FOXJ3: variants seen among roughly 807,000 people sequenced by gnomAD.
The protein encoded by FOXJ3 is forkhead box protein J3.
FOXJ3 carries 22 observed loss-of-function variants against 76.1 expected under a neutral mutation model. The observed-to-expected ratio is 0.29, with a 90% CI of 0.21 to 0.41. The LOEUF is 0.41. FOXJ3 is among the 10% of genes least tolerant of loss of function. FOXJ3 has a pLI of 1.00. For missense variants in FOXJ3, 613 were observed against 762.1 expected (o/e 0.80, Z 2.30); for synonymous variants, 269 against 261.2 (o/e 1.03, Z -0.29).
chr1:42,291,134 G>C (rs1570170828), intron 2 of FOXJ3, among the ~76,000 whole-genome samples: 1 of 150,060 alleles, frequency 6.7e-6, no homozygotes, highest in Admixed American at 6.6e-5. Flanking sequence ...TTTGATGAAG[G>C]CATCAGACAA....
chr1:42,219,298 T>C (rs528318056), intron 5 of FOXJ3, among the ~76,000 whole-genome samples: 73 of 152,360 alleles, frequency 4.8e-4, no homozygotes, highest in African/African-American at 1.6e-3. Flanking sequence ...AGCAGCCCTC[T>C]TGGTTATCAG....
chr1:42,255,080 T>A (rs962254396), intron 4 of FOXJ3, among the ~76,000 whole-genome samples: 1 of 152,114 alleles, frequency 6.6e-6, no homozygotes, highest in East Asian at 1.9e-4. Flanking sequence ...CAATGTAATT[T>A]CCTTAAAAGG....
At chr1:42,283,650 T>C (rs1652871965) in intron 2 of FOXJ3, among the ~76,000 whole-genome samples, 1 of 152,174 alleles carries the variant, frequency 6.6e-6, no homozygotes, top group Non-Finnish European at 1.5e-5. Context: ...TCTTAAGACC[T>C]GCGGCACATA....
intron 5 of FOXJ3, among the ~76,000 whole-genome samples, chr1:42,219,910 C>T (rs1647146120): frequency 6.6e-6 from 1 of 152,182 alleles, no homozygotes; most frequent in Admixed American, 6.5e-5. Flanking sequence ...CAGGCTGAGA[C>T]TTTGTCTCCA....
intron 3 of FOXJ3, among the ~76,000 whole-genome samples, chr1:42,276,893 T>A (rs925545986): frequency 3.9e-5 from 6 of 152,210 alleles, no homozygotes; most frequent in African/African-American, 1.4e-4. Context: ...CAAGAAAACA[T>A]CTAATCATGA....
intron 2 of FOXJ3, among the ~76,000 whole-genome samples, chr1:42,286,310 G>A (rs763396790): frequency 5.9e-5 from 9 of 151,990 alleles, no homozygotes; most frequent in African/African-American, 1.5e-4. Flanking sequence ...TATAATTTCC[G>A]CAAAATAAGA....
At chr1:42,315,688 A>C (rs2494370) in intron 1 of FOXJ3, among the ~76,000 whole-genome samples, 1 of 152,172 alleles carries the variant, frequency 6.6e-6, no homozygotes, top group South Asian at 2.1e-4. Context: ...AGCAACAGGG[A>C]AATCTCACAA....
chr1:42,237,528 A>C (rs547993762), intron 4 of FOXJ3, among the ~76,000 whole-genome samples: 72 of 150,172 alleles, frequency 4.8e-4, no homozygotes, highest in African/African-American at 1.7e-3. Context: ...AATATTCCGA[A>C]TAACGAGTCA....
intron 5 of FOXJ3, among the ~76,000 whole-genome samples, chr1:42,217,080 T>G (rs1250401395): frequency 6.6e-6 from 1 of 152,220 alleles, no homozygotes; most frequent in Non-Finnish European, 1.5e-5. Context: ...ACAGGAAAAC[T>G]GTCTCTATTT....
Position 42,210,639 on chromosome 1 carries a change from T to A in FOXJ3, c.529-4776A>T, listed in dbSNP as rs891684073. ...CAGTACATTACTACTACAGTTGGCA[T>A]TTGAGAAAGCCAACACAAGCTGGCA... is the stretch of plus-strand genomic sequence containing the variant. On this transcript the variant is annotated intron_variant, in intron 5 of 12. Transcript: ENST00000361346. 2.6e-5 allele frequency among the ~76,000 whole-genome samples: 4 copies of A among 152,052 alleles called. No homozygotes were observed. The East Asian group carries it at 7.7e-4, about 29-fold the overall frequency.
intron 5 of FOXJ3, among the ~76,000 whole-genome samples, chr1:42,206,206 T>C (rs1275854540): frequency 2.6e-5 from 4 of 152,222 alleles, no homozygotes; most frequent in Non-Finnish European, 4.4e-5. Context: ...TATCTACTCA[T>C]GTCTGCCCAG....
intron 4 of FOXJ3, among the ~76,000 whole-genome samples, chr1:42,264,040 T>C (rs1044236687): frequency 2.1e-5 from 3 of 139,938 alleles, no homozygotes; most frequent in African/African-American, 7.9e-5. Flanking sequence ...TAGGAGCTAC[T>C]ACAATGATGA....
chr1:42,177,768 C>A lies in FOXJ3; in HGVS notation c.*1942G>T, dbSNP rs1252264683. 6.6e-6 allele frequency: 1 copy of A among 152,506 alleles called. No homozygotes were observed. Among genetic ancestry groups the A allele is most frequent in the African/African-American group, 2.4e-5 (1 of 41,414 alleles). The allele number at this position is 152,506 out of a possible 1,614,324, so 9.4% of individuals were successfully genotyped here. On this transcript the variant is annotated 3_prime_UTR_variant, in exon 13 of 13. Coordinates refer to ENST00000361346, the MANE Select transcript of FOXJ3 (RefSeq NM_014947.5). ...AACACTCCATTAAAACACACACACA[C>A]ACACGCGCGCGCACACTCTCACACA...
In FOXJ3 at chr1:42,210,076, G is replaced by C. The variant is rs142810322; in HGVS notation, c.529-4213C>G. On this transcript the variant is annotated intron_variant, in intron 5 of 12. Coordinates refer to ENST00000361346, the MANE Select transcript of FOXJ3 (RefSeq NM_014947.5). ...CTGCTGCTAGCAAAACACTGGGTGT[G>C]AGACCTGTGTTGCCAAGTCCGTGGG... Among the ~76,000 whole-genome samples, 628 of 152,338 alleles carry C rather than the reference G, an allele frequency of 4.1e-3. 3 individuals carry two copies. Among genetic ancestry groups the C allele is most frequent in the African/African-American group, 0.014 (585 of 41,590 alleles).
At chr1:42,324,720 T>C (rs1655726020) in intron 1 of FOXJ3, among the ~76,000 whole-genome samples, 1 of 152,126 alleles carries the variant, frequency 6.6e-6, no homozygotes, top group South Asian at 2.1e-4. Context: ...AAAGTATTTG[T>C]GTATCTAAAC....
intron 4 of FOXJ3, among the ~76,000 whole-genome samples, chr1:42,237,144 G>A (rs1328481946): frequency 6.6e-6 from 1 of 152,068 alleles, no homozygotes; most frequent in East Asian, 1.9e-4. Flanking sequence ...CGGAGGCCGA[G>A]GGGGGTGGAT....
chr1:42,324,600 G>C, intron 1 of FOXJ3, among the ~76,000 whole-genome samples: 1 of 152,014 alleles, frequency 6.6e-6, no homozygotes, highest in Non-Finnish European at 1.5e-5. Flanking sequence ...CACAAACCTA[G>C]ATGGTAGAGC....
At chr1:42,254,177 A>G (rs937558989) in intron 4 of FOXJ3, among the ~76,000 whole-genome samples, 5 of 152,082 alleles carry the variant, frequency 3.3e-5, no homozygotes, top group Non-Finnish European at 7.4e-5. Context: ...CACTCCTCAA[A>G]AGAAGACATT....
chr1:42,295,306 T>C (rs901155321), intron 2 of FOXJ3, among the ~76,000 whole-genome samples: 1 of 152,132 alleles, frequency 6.6e-6, no homozygotes, highest in Non-Finnish European at 1.5e-5. Context: ...AGTGAGAACA[T>C]GTGGTATTTG....
Sources: gnomAD v4.1 joint callset for allele counts (sites outside exome capture counted in the v4.1 genomes callset) on GRCh38, gnomAD v4.1.1 for gene constraint, MANE v1.5 for transcripts, NCBI Gene and HGNC (gene_info 2026-07-23, HGNC 2026-07-21) for gene names.